Variants in GNAI1 observed in about 807,000 individuals in gnomAD.
GNAI1 encodes the protein guanine nucleotide-binding protein G(i) subunit alpha-1.
Under a neutral mutation model 38.9 loss-of-function variants are expected in GNAI1, and 11 were observed. The ratio of observed to expected loss-of-function variants is 0.28; its 90% confidence interval spans 0.18 to 0.47. The LOEUF (loss-of-function observed/expected upper bound fraction) is 0.47, where lower values mean the gene tolerates loss of function less well. GNAI1 is among the 20% of genes least tolerant of loss of function. The pLI, the probability that GNAI1 is intolerant of heterozygous loss-of-function variation, is 0.99. For missense variants in GNAI1, 317 were observed against 436.9 expected (o/e 0.73, Z 2.45); for synonymous variants, 166 against 145.1 (o/e 1.14, Z -1.04).
intron 1 of GNAI1, among the ~76,000 whole-genome samples, chr7:80,139,374 A>G (rs1787483425): frequency 6.6e-6 from 1 of 152,178 alleles, no homozygotes; most frequent in Admixed American, 6.5e-5. Context: ...CCTGCAGAAT[A>G]AAATCTTTTA....
At chr7:80,207,144 G>C (rs1216518304) in intron 5 of GNAI1, among the ~76,000 whole-genome samples, 1 of 152,006 alleles carries the variant, frequency 6.6e-6, no homozygotes, top group African/African-American at 2.4e-5. Flanking sequence ...CTGTGTTAGA[G>C]GCTTAAAAAT....
rs551308714 is a variant in GNAI1 at position 80,223,488 on chromosome 7, G to A, written c.*5995G>A. Among the ~76,000 whole-genome samples the A allele has an allele frequency of 2.0e-4, 31 of 152,288 alleles. No homozygotes were observed. In the East Asian group the frequency reaches 5.0e-3, roughly 25 times the overall value. ...TTATGTTCTGTGGAAACTTCACAGAGTTTTAGCTTTGATCCTTCCTTCACT... is the reference window on the plus strand; with the variant it reads ...TTATGTTCTGTGGAAACTTCACAGAATTTTAGCTTTGATCCTTCCTTCACT... On this transcript the variant is annotated 3_prime_UTR_variant, in exon 8 of 8. Transcript: ENST00000649796.
chr7:80,135,175 G>A lies in GNAI1; in HGVS notation c.15G>A (p.Leu5=). The change falls in exon 1 of 8, where the codon CTG becomes CTA. Residue 5 remains leucine (L), a synonymous_variant. Transcript: ENST00000649796. The stretch of plus-strand genomic sequence containing the variant: ...CTTTCGGCACCATGGGCTGCACGCT[G>A]AGCGCCGAGGACAAGGCGGCGGTGG... MGCT[L]SAEDKAAVER... is the part of the protein sequence containing the mutation. 1 of 1,538,474 alleles carries A rather than the reference G, an allele frequency of 6.5e-7. No individual in the cohort carries two copies. Among genetic ancestry groups the A allele is most frequent in the Non-Finnish European group, 8.7e-7 (1 of 1,143,280 alleles).
intron 1 of GNAI1, among the ~76,000 whole-genome samples, chr7:80,146,815 A>C (rs1240915099): frequency 6.6e-6 from 1 of 152,188 alleles, no homozygotes; most frequent in Non-Finnish European, 1.5e-5. Context: ...TCACTTTATC[A>C]GTAAGGTATT....
At chr7:80,162,523 A>G (rs1338205805) in intron 1 of GNAI1, among the ~76,000 whole-genome samples, 2 of 152,206 alleles carry the variant, frequency 1.3e-5, no homozygotes, top group Non-Finnish European at 2.9e-5. Context: ...ACTATCCTAC[A>G]TCTTTACGAT....
chr7:80,145,463 T>G (rs1363487553), intron 1 of GNAI1, among the ~76,000 whole-genome samples: 1 of 152,174 alleles, frequency 6.6e-6, no homozygotes, highest in East Asian at 1.9e-4. Context: ...TCTTTGTGGT[T>G]TTTATCTTTT....
intron 1 of GNAI1, among the ~76,000 whole-genome samples, chr7:80,155,650 T>G (rs1787805367): frequency 6.6e-6 from 1 of 152,076 alleles, no homozygotes; most frequent in South Asian, 2.1e-4. Flanking sequence ...GATCAGTGAT[T>G]ATAATTGAAG....
chr7:80,207,855 A>T (rs1788801160), intron 5 of GNAI1, among the ~76,000 whole-genome samples: 1 of 152,104 alleles, frequency 6.6e-6, no homozygotes, highest in African/African-American at 2.4e-5. Context: ...TTAGGCATTT[A>T]TGGCCAGTGT....
intron 1 of GNAI1, among the ~76,000 whole-genome samples, chr7:80,181,625 ATTCT>A (rs1788294183): frequency 6.6e-6 from 1 of 152,264 alleles, no homozygotes; most frequent in Admixed American, 6.5e-5. Flanking sequence ...GCTGCACACA[ATTCT>A]TTCTTTTGTC....
intron 6 of GNAI1, among the ~76,000 whole-genome samples, chr7:80,211,420 T>C (rs1440027003): frequency 1.2e-5 from 1 of 81,350 alleles, no homozygotes. Context: ...TTAGTAAATC[T>C]TTTTTTTTTT....
intron 1 of GNAI1, among the ~76,000 whole-genome samples, chr7:80,136,766 A>G (rs940833268): frequency 1.8e-4 from 28 of 152,086 alleles, no homozygotes; most frequent in Admixed American, 1.8e-3. Context: ...GTTTCAGTGT[A>G]TTTCTGTGTG....
At chr7:80,173,391 T>A (rs1012794636) in intron 1 of GNAI1, among the ~76,000 whole-genome samples, 3 of 152,318 alleles carry the variant, frequency 2.0e-5, no homozygotes, top group African/African-American at 7.2e-5. Context: ...TTATTTTAAT[T>A]TATCCTGTAC....
chr7:80,207,500 TTAAAGA>T (rs1405739293), intron 5 of GNAI1, among the ~76,000 whole-genome samples: 5 of 152,236 alleles, frequency 3.3e-5, no homozygotes, highest in African/African-American at 9.6e-5. Context: ...ATTTGGTGAC[TTAAAGA>T]TAAACACACG....
chr7:80,193,138 G>A (rs867922786), intron 3 of GNAI1, among the ~76,000 whole-genome samples: 17 of 151,800 alleles, frequency 1.1e-4, no homozygotes, highest in African/African-American at 3.1e-4. Context: ...ATTTCATTCC[G>A]TTGTTCTTTT....
At chr7:80,151,407 A>G (rs983269980) in intron 1 of GNAI1, among the ~76,000 whole-genome samples, 2 of 152,178 alleles carry the variant, frequency 1.3e-5, no homozygotes, top group Non-Finnish European at 1.5e-5. Flanking sequence ...AAGCCAAAAA[A>G]AAAAAATTAC....
At chr7:80,181,588 C>T (rs972155864) in intron 1 of GNAI1, among the ~76,000 whole-genome samples, 3 of 152,132 alleles carry the variant, frequency 2.0e-5, no homozygotes, top group African/African-American at 4.8e-5. Flanking sequence ...GTCTATTTGA[C>T]GGGCATCTCA....
At chr7:80,215,584 TCA>T (rs1788953746) in intron 7 of GNAI1, among the ~76,000 whole-genome samples, 1 of 152,314 alleles carries the variant, frequency 6.6e-6, no homozygotes, top group East Asian at 1.9e-4. Context: ...TGGGCATTTG[TCA>T]CATTGTATTA....
At chr7:80,212,495 C>T (rs886928395) in intron 6 of GNAI1, among the ~76,000 whole-genome samples, 7 of 152,146 alleles carry the variant, frequency 4.6e-5, no homozygotes, top group African/African-American at 1.7e-4. Context: ...ATATAGTGGG[C>T]ACTTGGCAAG....
rs915775285 is a variant in GNAI1, at chr7:80,223,331, C to A, written c.*5838C>A. Among the ~76,000 whole-genome samples the A allele has an allele frequency of 3.9e-5, 6 of 152,188 alleles. No individual in the cohort carries two copies. Among genetic ancestry groups the A allele is most frequent in the Admixed American group, 6.5e-5 (1 of 15,278 alleles). ...TTTTGTTTTTGCTAAATTAGACATA[C>A]AATTTTGCAGTTATTTTTTACTAAG... On this transcript the variant is annotated 3_prime_UTR_variant, in exon 8 of 8. Transcript: ENST00000649796.
Sources: allele counts gnomAD v4.1 joint callset (sites outside exome capture counted in the v4.1 genomes callset), GRCh38; gene constraint gnomAD v4.1.1; transcripts MANE v1.5; gene names NCBI Gene and HGNC (gene_info 2026-07-23, HGNC 2026-07-21).